The following PDE3A variants were observed in gnomAD, a reference collection of about 807,000 sequenced individuals.
PDE3A encodes phosphodiesterase 3A.
In PDE3A, 43 loss-of-function variants were observed where a neutral mutation model predicts 98.3. The ratio of observed to expected loss-of-function variants is 0.44; its 90% CI spans 0.34 to 0.56. PDE3A has a LOEUF of 0.56. Ranked by LOEUF, PDE3A falls within the 20% of genes least tolerant of loss-of-function variation. The probability of loss-of-function intolerance (pLI) is 0.01; values close to 1 mark genes in which losing one functional copy is unlikely to be tolerated. For missense variants in PDE3A, 1,427 were observed against 1,440.7 expected, an observed-to-expected ratio of 0.99 and a Z score of 0.15; for synonymous variants, 663 against 567.9, an observed-to-expected ratio of 1.17 and a Z score of -2.38.
rs1945780460 is a variant in PDE3A at position 20,681,439 on chromosome 12, A to G, written c.*1168A>G. ...GCTGCAAAATATGTGGTAGAGAAAG[A>G]AAAGGAAACAGAAAAATCACTCTGG... On this transcript the variant is annotated 3_prime_UTR_variant, in exon 16 of 16. Coordinates refer to ENST00000359062, the MANE Select transcript of PDE3A (RefSeq NM_000921.5). 1 of 152,244 alleles carries G rather than the reference A, an allele frequency of 6.6e-6. No homozygotes were observed. Among genetic ancestry groups the G allele is most frequent in the African/African-American group, 2.4e-5 (1 of 41,460 alleles). The allele number at this position is 152,244 out of a possible 1,614,324, so 9.4% of individuals were successfully genotyped here.
chr12:20,427,976 C>T (rs7132940), intron 1 of PDE3A, among the ~76,000 whole-genome samples: 3,238 of 152,020 alleles, frequency 0.021, 92 homozygotes, highest in African/African-American at 0.071. Flanking sequence ...GAGGCTGAGA[C>T]GGGCGGATCA....
rs377658837 is a variant in PDE3A at position 20,654,109 on chromosome 12, A to G, written c.3088A>G (p.Ser1030Gly). Residue 1030 changes from serine (S) to glycine (G), a missense_variant, in exon 15 of 16, where the codon AGC (serine) becomes GGC (glycine). Around this residue, in one of 3 missense-constraint regions of PDE3A, gnomAD observed 142 missense variants for 133.9 expected, o/e 1.06. Coordinates refer to ENST00000359062, the MANE Select transcript of PDE3A (RefSeq NM_000921.5). The part of the protein sequence containing the change: ...GLMPGKWVED[S>G]DESGDTDDPE... Reference sequence around the variant, plus strand: ...AATGCCTGGAAAATGGGTGGAAGACAGCGATGAGTCAGGAGATACTGATGA... The same window carrying G: ...AATGCCTGGAAAATGGGTGGAAGACGGCGATGAGTCAGGAGATACTGATGA... The G allele has an allele frequency of 3.4e-5, 55 of 1,614,150 alleles. No homozygotes were observed. The highest frequency in any genetic ancestry group is 4.5e-5 in the Non-Finnish European group (53 of 1,179,996).
At chr12:20,419,252 T>C (rs1057354958) in intron 1 of PDE3A, among the ~76,000 whole-genome samples, 4 of 151,712 alleles carry the variant, frequency 2.6e-5, no homozygotes, top group Admixed American at 1.3e-4. Flanking sequence ...TTTTCTTAAA[T>C]GCCGTTTCTT....
At chr12:20,616,026 T>G (rs1194020058) in intron 3 of PDE3A, among the ~76,000 whole-genome samples, 1 of 147,928 alleles carries the variant, frequency 6.8e-6, no homozygotes, top group East Asian at 1.9e-4. Flanking sequence ...GCCTGACTGC[T>G]TATTTTTATA....
chr12:20,575,031 G>A (rs1021516043), intron 2 of PDE3A, among the ~76,000 whole-genome samples: 4 of 151,902 alleles, frequency 2.6e-5, no homozygotes, highest in African/African-American at 9.7e-5. Flanking sequence ...ACTATTTATT[G>A]AGTTAACTTT....
At chr12:20,432,733 G>T (rs548227551) in intron 1 of PDE3A, among the ~76,000 whole-genome samples, 1 of 151,982 alleles carries the variant, frequency 6.6e-6, no homozygotes, top group Admixed American at 6.6e-5. Context: ...TACTTTCTGA[G>T]CAATATTTTT....
intron 1 of PDE3A, among the ~76,000 whole-genome samples, chr12:20,546,103 G>A (rs1233239555): frequency 6.6e-6 from 1 of 151,928 alleles, no homozygotes; most frequent in Non-Finnish European, 1.5e-5. Flanking sequence ...ATGATATGCA[G>A]GCGGTTCCTG....
chr12:20,594,909 A>G (rs746570936), intron 2 of PDE3A, among the ~76,000 whole-genome samples: 9 of 152,140 alleles, frequency 5.9e-5, no homozygotes, highest in East Asian at 1.9e-4. Context: ...TTATTAACCC[A>G]GACTTGTAGA....
At chr12:20,383,645 TCA>T (rs1161224693) in intron 1 of PDE3A, among the ~76,000 whole-genome samples, 2 of 152,004 alleles carry the variant, frequency 1.3e-5, no homozygotes, top group Non-Finnish European at 2.9e-5. Flanking sequence ...CTGTGGAGTC[TCA>T]GTCTACTCCT....
At chr12:20,474,204 G>A (rs1158238470) in intron 1 of PDE3A, among the ~76,000 whole-genome samples, 1 of 152,136 alleles carries the variant, frequency 6.6e-6, no homozygotes, top group African/African-American at 2.4e-5. Context: ...GAATAATGAT[G>A]TTGAAGCTCT....
Position 20,616,475 on chromosome 12 carries a change from A to G in PDE3A, c.1424+91A>G, listed in dbSNP as rs1367685092. On this transcript the variant is annotated intron_variant, in intron 4 of 15. Coordinates refer to ENST00000359062, the MANE Select transcript of PDE3A (RefSeq NM_000921.5). The stretch of plus-strand genomic sequence containing the variant: ...ATTACAGGAGAAGGAAGGCTAACCA[A>G]TTACATTTGGTTGGAGGTCAGCTTT... The G allele has an allele frequency of 5.5e-6, 7 of 1,271,440 alleles. No individual in the cohort carries two copies. In the Admixed American group the frequency reaches 8.3e-5, roughly 15 times the overall value. The allele number at this position is 1,271,440 out of a possible 1,614,324, so 78.8% of individuals were successfully genotyped here. A position where few individuals can be genotyped will look rare whatever the true frequency, so the allele number is the denominator to read the frequency against.
intron 1 of PDE3A, among the ~76,000 whole-genome samples, chr12:20,447,560 A>G (rs1027623385): frequency 3.3e-5 from 5 of 152,164 alleles, no homozygotes; most frequent in Non-Finnish European, 7.4e-5. Context: ...GGACTTCTGG[A>G]TAGCTGAACA....
At chr12:20,568,189 TTTC>T (rs1230091256) in intron 2 of PDE3A, among the ~76,000 whole-genome samples, 7 of 151,996 alleles carry the variant, frequency 4.6e-5, no homozygotes, top group Non-Finnish European at 2.9e-5. Context: ...GTAGATGTTA[TTTC>T]TTCTTGACAA....
chr12:20,413,273 C>T (rs1476261161), intron 1 of PDE3A, among the ~76,000 whole-genome samples: 1 of 152,122 alleles, frequency 6.6e-6, no homozygotes, highest in Admixed American at 6.6e-5. Context: ...GAGAGTTTTC[C>T]AAGTGGAGTT....
At chr12:20,670,224 C>CCT (rs2120413762) in intron 15 of PDE3A, among the ~76,000 whole-genome samples, 1 of 149,592 alleles carries the variant, frequency 6.7e-6, no homozygotes, top group African/African-American at 2.5e-5. Flanking sequence ...TACAAAGAGA[C>CCT]TTAGACTCCC....
At chr12:20,447,844 T>C (rs1169521055) in intron 1 of PDE3A, among the ~76,000 whole-genome samples, 7 of 152,148 alleles carry the variant, frequency 4.6e-5, no homozygotes, top group Admixed American at 4.6e-4. Flanking sequence ...GGATTTGGAA[T>C]TGGCATCTGA....
chr12:20,386,132 AATATATATAAATAT>A (rs1943783150), intron 1 of PDE3A, among the ~76,000 whole-genome samples: 1 of 78,384 alleles, frequency 1.3e-5, no homozygotes, highest in Admixed American at 2.2e-4. Flanking sequence ...AATATATATA[AATATATATAAATAT>A]ATATATAAAT....
intron 1 of PDE3A, among the ~76,000 whole-genome samples, chr12:20,549,231 A>ATAAAATTTTTT (rs1942134748): frequency 6.6e-6 from 1 of 151,688 alleles, no homozygotes; most frequent in South Asian, 2.1e-4. Flanking sequence ...TTTTTATACA[A>ATAAAATTTTTT]ATAGGATAAA....
chr12:20,674,817 T>A (rs770580324), intron 15 of PDE3A, among the ~76,000 whole-genome samples: 2 of 152,118 alleles, frequency 1.3e-5, no homozygotes, highest in Non-Finnish European at 2.9e-5. Flanking sequence ...CTGATTTTAT[T>A]TTTGGAGGTC....
Sources: allele counts gnomAD v4.1 joint callset (sites outside exome capture counted in the v4.1 genomes callset), GRCh38; gene constraint gnomAD v4.1.1; regional missense constraint gnomAD v4.1.1; transcripts MANE v1.5; gene names NCBI Gene and HGNC (gene_info 2026-07-23, HGNC 2026-07-21).